The following CADPS2 variants were observed in gnomAD, a reference collection of about 807,000 sequenced individuals.
CADPS2 encodes calcium-dependent secretion activator 2.
In CADPS2, 93 loss-of-function variants were observed where a neutral mutation model predicts 172.5. The ratio of observed to expected loss-of-function variants is 0.54; its 90% CI spans 0.46 to 0.64. CADPS2 has a LOEUF of 0.64. Among genes scored for constraint, CADPS2 ranks in the 30% least tolerant of loss-of-function variants. CADPS2 has a pLI of 0.00. For synonymous variants in CADPS2, 546 were observed against 555.2 expected (o/e 0.98, Z 0.23); for missense variants, 1,420 against 1,565.9 (o/e 0.91, Z 1.57).
intron 6 of CADPS2, among the ~76,000 whole-genome samples, chr7:122,606,174 G>A (rs1043430541): frequency 2.0e-5 from 3 of 152,024 alleles, no homozygotes; most frequent in East Asian, 1.9e-4. Flanking sequence ...CCTTTTGAAC[G>A]GTACCCTGGA....
chr7:122,572,283 T>TA (rs1456226612), intron 7 of CADPS2, among the ~76,000 whole-genome samples: 1 of 152,164 alleles, frequency 6.6e-6, no homozygotes, highest in East Asian at 1.9e-4. Flanking sequence ...GGTACAACTT[T>TA]TCTTAAAATC....
At chr7:122,461,846 G>A (rs905168169) in intron 14 of CADPS2, among the ~76,000 whole-genome samples, 3 of 151,902 alleles carry the variant, frequency 2.0e-5, no homozygotes, top group Admixed American at 6.6e-5. Context: ...CACCCGCCTC[G>A]GCCTCCCAGA....
At chr7:122,685,672 T>C (rs2083535449) in intron 2 of CADPS2, among the ~76,000 whole-genome samples, 1 of 152,254 alleles carries the variant, frequency 6.6e-6, no homozygotes, top group African/African-American at 2.4e-5. Context: ...ACAGCACTTA[T>C]AACTACGTAG....
At chr7:122,629,936 CATT>C (rs1321614173) in intron 3 of CADPS2, among the ~76,000 whole-genome samples, 1 of 152,064 alleles carries the variant, frequency 6.6e-6, no homozygotes, top group Non-Finnish European at 1.5e-5. Context: ...GTGCTCTCAT[CATT>C]TTTTTTAGAA....
chr7:122,659,042 C>G (rs1442997676), intron 3 of CADPS2, among the ~76,000 whole-genome samples: 1 of 151,962 alleles, frequency 6.6e-6, no homozygotes, highest in Admixed American at 6.6e-5. Context: ...TCTCAGTTCT[C>G]ATTACCTAAT....
chr7:122,596,109 C>T (rs1034647221), intron 6 of CADPS2, among the ~76,000 whole-genome samples: 1 of 152,074 alleles, frequency 6.6e-6, no homozygotes, highest in Admixed American at 6.6e-5. Context: ...GTGAGCACTA[C>T]CCACATGTTA....
At chr7:122,748,111 T>C (rs2092794812) in intron 1 of CADPS2, among the ~76,000 whole-genome samples, 1 of 152,146 alleles carries the variant, frequency 6.6e-6, no homozygotes, top group Non-Finnish European at 1.5e-5. Context: ...AAATTCACCA[T>C]TCACTATTAC....
chr7:122,839,699 T>C (rs2140893954), intron 1 of CADPS2, among the ~76,000 whole-genome samples: 1 of 152,160 alleles, frequency 6.6e-6, no homozygotes, highest in East Asian at 1.9e-4. Flanking sequence ...CCACTGGTCA[T>C]CAGAGAAATG....
At chr7:122,397,872 G>A (rs1251113295) in intron 20 of CADPS2, among the ~76,000 whole-genome samples, 1 of 152,166 alleles carries the variant, frequency 6.6e-6, no homozygotes, top group Non-Finnish European at 1.5e-5. Context: ...AGAGTGAAAA[G>A]GGCTGCTCAG....
intron 16 of CADPS2, among the ~76,000 whole-genome samples, chr7:122,439,706 A>C (rs549364294): frequency 1.7e-4 from 26 of 152,308 alleles, no homozygotes; most frequent in Admixed American, 5.2e-4. Flanking sequence ...AATATTTAGC[A>C]CTTTAATTAG....
chr7:122,445,268 C>T (rs2051998975), intron 15 of CADPS2, among the ~76,000 whole-genome samples: 1 of 151,982 alleles, frequency 6.6e-6, no homozygotes, highest in African/African-American at 2.4e-5. Flanking sequence ...ACTGAAATAG[C>T]CTTGGATCCA....
At chr7:122,651,296 G>C (rs1175581870) in intron 3 of CADPS2, among the ~76,000 whole-genome samples, 1 of 150,264 alleles carries the variant, frequency 6.7e-6, no homozygotes, top group Non-Finnish European at 1.5e-5. Flanking sequence ...GTGGAAGTCA[G>C]TCTCCAGTTT....
intron 17 of CADPS2, among the ~76,000 whole-genome samples, chr7:122,432,566 G>A (rs1027215906): frequency 6.6e-6 from 1 of 151,290 alleles, no homozygotes; most frequent in Non-Finnish European, 1.5e-5. Context: ...ACTTGAACTC[G>A]GGAGGCGGAG....
At chr7:122,705,180 C>A (rs754341264) in intron 2 of CADPS2, among the ~76,000 whole-genome samples, 5 of 151,550 alleles carry the variant, frequency 3.3e-5, no homozygotes, top group Admixed American at 2.7e-4. Flanking sequence ...ACCTTTTAGT[C>A]CATTAAGTAT....
At chr7:122,478,071 C>A (rs2056909580) in intron 12 of CADPS2, among the ~76,000 whole-genome samples, 1 of 152,002 alleles carries the variant, frequency 6.6e-6, no homozygotes, top group South Asian at 2.1e-4. Context: ...GTATAACATA[C>A]CTATATGTTA....
intron 6 of CADPS2, among the ~76,000 whole-genome samples, chr7:122,587,741 T>C (rs1004908781): frequency 2.0e-5 from 3 of 152,058 alleles, no homozygotes; most frequent in Non-Finnish European, 2.9e-5. Flanking sequence ...CCTTTGGGTA[T>C]ATAACCAGTA....
At chr7:122,526,198 A>G (rs2061221993) in intron 8 of CADPS2, among the ~76,000 whole-genome samples, 1 of 151,506 alleles carries the variant, frequency 6.6e-6, no homozygotes, top group Non-Finnish European at 1.5e-5. Context: ...TTATTTATTT[A>G]TTTATTTATT....
rs551329426 is a variant in CADPS2 at position 122,645,307 on chromosome 7, A to G, written c.787-15979T>C. Among the ~76,000 whole-genome samples the G allele has an allele frequency of 1.5e-4, 21 of 136,708 alleles. 2 individuals are homozygous for G. Among genetic ancestry groups the G allele is most frequent in the East Asian group, 8.6e-4 (4 of 4,632 alleles). 89.7% of individuals were successfully genotyped at this position (136,708 alleles called of 152,430 possible). A position where few individuals can be genotyped will look rare whatever the true frequency, so the allele number is the denominator to read the frequency against. On this transcript the variant is annotated intron_variant, in intron 3 of 29. Coordinates refer to ENST00000449022, the MANE Select transcript of CADPS2 (RefSeq NM_017954.11). Reference sequence around the variant, plus strand: ...CATATGTACATATATACACATATGTACATGTGTGTATACATGTACATATAT... The same window carrying G: ...CATATGTACATATATACACATATGTGCATGTGTGTATACATGTACATATAT...
At chr7:122,419,992 A>C (rs2048357730) in intron 17 of CADPS2, among the ~76,000 whole-genome samples, 1 of 152,190 alleles carries the variant, frequency 6.6e-6, no homozygotes, top group South Asian at 2.1e-4. Context: ...AATCCTCAGA[A>C]GCATTCTGCA....
Sources: allele counts gnomAD v4.1 joint callset (sites outside exome capture counted in the v4.1 genomes callset), GRCh38; gene constraint gnomAD v4.1.1; transcripts MANE v1.5; gene names NCBI Gene and HGNC (gene_info 2026-07-23, HGNC 2026-07-21).